COBL: variants seen among roughly 807,000 people sequenced by gnomAD.
COBL encodes protein cordon-bleu.
Under a neutral mutation model 98.8 loss-of-function variants are expected in COBL, and 51 were observed. That is an observed-to-expected ratio of 0.52 (90% CI 0.41 to 0.65). The LOEUF (loss-of-function observed/expected upper bound fraction) is 0.65, where lower values mean the gene tolerates loss of function less well. Ranked by LOEUF, COBL falls within the 30% of genes least tolerant of loss-of-function variation. COBL has a pLI of 0.00. For synonymous variants in COBL, 634 were observed against 651.7 expected, an observed-to-expected ratio of 0.97 and a Z score of 0.41; for missense variants, 1,617 against 1,617.5, an observed-to-expected ratio of 1.00 and a Z score of 0.01.
In COBL at chr7:51,025,157, G is replaced by A; in HGVS notation, c.3720C>T (p.Ala1240=). The A allele has an allele frequency of 6.2e-7, 1 of 1,611,878 alleles. No homozygotes were observed. Among genetic ancestry groups the A allele is most frequent in the Non-Finnish European group, 8.5e-7 (1 of 1,179,840 alleles). ...TGCCGGAGCGGATGGCGTCCATCAA[G>A]GCTTGCCTTGCGTCTGCGGTGTTGC... ...TLSNTADARQ[A]LMDAIRSGTG... The change falls in exon 12 of 13, where the codon GCC becomes GCT. Residue 1240 remains alanine (A), a synonymous_variant. Coordinates refer to ENST00000265136, the MANE Select transcript of COBL (RefSeq NM_015198.5).
intron 1 of COBL, among the ~76,000 whole-genome samples, chr7:51,263,373 T>C (rs953664337): frequency 6.6e-6 from 1 of 152,004 alleles, no homozygotes; most frequent in Non-Finnish European, 1.5e-5. Context: ...GGAAGATAAA[T>C]GGTCAGTGGG....
intron 2 of COBL, 41 bp downstream of exon 2, chr7:51,219,695 CTCGCA>C: frequency 1.9e-6 from 3 of 1,585,700 alleles, no homozygotes; most frequent in Non-Finnish European, 2.6e-6. Context: ...CCCCGCTATA[CTCGCA>C]AAGTGAGTAC....
chr7:51,132,206 C>G (rs1054755418), intron 6 of COBL, among the ~76,000 whole-genome samples: 1 of 152,238 alleles, frequency 6.6e-6, no homozygotes, highest in South Asian at 2.1e-4. Context: ...CCCAGCCCTC[C>G]CTGCTTTAGG....
At chr7:51,018,896 AAAAAAAAAAATATATATAT>A (rs1425879488) in intron 12 of COBL, among the ~76,000 whole-genome samples, 2 of 51,160 alleles carry the variant, frequency 3.9e-5, no homozygotes, top group African/African-American at 1.6e-4. Flanking sequence ...CATCTCAAAA[AAAAAAAAAAATATATATAT>A]ATATATATAT....
At chr7:51,218,024 A>C (rs990141070) in intron 2 of COBL, among the ~76,000 whole-genome samples, 2 of 152,188 alleles carry the variant, frequency 1.3e-5, no homozygotes, top group African/African-American at 4.8e-5. Flanking sequence ...GATCACAGCC[A>C]CAGGGCCCCC....
At chr7:51,208,073 T>C (rs1393325941) in intron 2 of COBL, among the ~76,000 whole-genome samples, 2 of 145,788 alleles carry the variant, frequency 1.4e-5, no homozygotes, top group Non-Finnish European at 3.0e-5. Context: ...GGAGCGCCTC[T>C]GCCCCGCCGC....
At chr7:51,236,607 G>C (rs1226898260) in intron 1 of COBL, among the ~76,000 whole-genome samples, 2 of 152,096 alleles carry the variant, frequency 1.3e-5, no homozygotes, top group Non-Finnish European at 2.9e-5. Context: ...TGAAATTTAG[G>C]GTAGTGCCTT....
intron 5 of COBL, among the ~76,000 whole-genome samples, chr7:51,176,736 T>C (rs568994474): frequency 1.3e-4 from 20 of 152,348 alleles, no homozygotes; most frequent in African/African-American, 4.8e-4. Context: ...AAATGTCCTT[T>C]TGAACTAGTG....
At chr7:51,190,605 T>G (rs181588009) in intron 4 of COBL, among the ~76,000 whole-genome samples, 1 of 152,196 alleles carries the variant, frequency 6.6e-6, no homozygotes, top group Admixed American at 6.5e-5. Flanking sequence ...GTCGTGGAAG[T>G]TTGCAGGGAG....
intron 1 of COBL, among the ~76,000 whole-genome samples, chr7:51,236,136 C>T (rs1236113985): frequency 6.6e-6 from 1 of 152,180 alleles, no homozygotes; most frequent in Admixed American, 6.5e-5. Context: ...AAGCCTCTGA[C>T]GGCAACCTAG....
intron 4 of COBL, among the ~76,000 whole-genome samples, chr7:51,188,957 C>T (rs906495136): frequency 6.6e-6 from 1 of 152,142 alleles, no homozygotes; most frequent in Non-Finnish European, 1.5e-5. Flanking sequence ...GATACCTGAA[C>T]GTGAAACAGT....
chr7:51,121,647 A>C (rs559277888), intron 6 of COBL, among the ~76,000 whole-genome samples: 65 of 152,338 alleles, frequency 4.3e-4, no homozygotes, highest in African/African-American at 1.5e-3. Flanking sequence ...GATGGTGCCT[A>C]GGAGGCTCTG....
At chr7:51,251,541 C>A (rs1796725537) in intron 1 of COBL, among the ~76,000 whole-genome samples, 1 of 152,222 alleles carries the variant, frequency 6.6e-6, no homozygotes, top group South Asian at 2.1e-4. Flanking sequence ...GAATTTATTT[C>A]TAGCACTAGT....
chr7:51,254,584 T>A (rs1039422752), intron 1 of COBL, among the ~76,000 whole-genome samples: 5 of 152,170 alleles, frequency 3.3e-5, no homozygotes, highest in African/African-American at 1.2e-4. Context: ...CATTTTTCCA[T>A]CCTCTTTGAG....
At chr7:51,140,552 C>T (rs998981832) in intron 5 of COBL, among the ~76,000 whole-genome samples, 19 of 152,022 alleles carry the variant, frequency 1.2e-4, no homozygotes, top group African/African-American at 3.4e-4. Flanking sequence ...TGTGTGTGTG[C>T]GTATATATAT....
intron 1 of COBL, among the ~76,000 whole-genome samples, chr7:51,315,535 G>A (rs530826680): frequency 6.6e-6 from 1 of 152,298 alleles, no homozygotes; most frequent in Non-Finnish European, 1.5e-5. Context: ...ATAGCAGAAA[G>A]TGGGCCCATT....
intron 8 of COBL, chr7:51,035,342 C>T (rs1788532842): frequency 6.7e-6 from 1 of 148,730 alleles, no homozygotes; most frequent in African/African-American, 2.5e-5. Flanking sequence ...TTTGATGAGG[C>T]TAGTACAGTG....
intron 6 of COBL, among the ~76,000 whole-genome samples, chr7:51,120,005 G>C (rs1797609268): frequency 6.6e-6 from 1 of 152,120 alleles, no homozygotes; most frequent in Non-Finnish European, 1.5e-5. Context: ...CAAGATGTCT[G>C]TTCTTAATTG....
Position 51,200,901 on chromosome 7 carries a change from A to G in COBL, c.246-7312T>C, listed in dbSNP as rs116707123. ...AGACTCATTTTAGATTTAAGGACACATAGAGGTTGAAAATAAAGAATGAAG... is the reference window on the plus strand; with the variant it reads ...AGACTCATTTTAGATTTAAGGACACGTAGAGGTTGAAAATAAAGAATGAAG... On this transcript the variant is annotated intron_variant, in intron 2 of 12. Coordinates refer to ENST00000265136, the MANE Select transcript of COBL (RefSeq NM_015198.5). 3.3e-3 allele frequency among the ~76,000 whole-genome samples: 507 copies of G among 152,262 alleles called. 4 individuals are homozygous for G. The highest frequency in any genetic ancestry group is 0.012 in the African/African-American group (486 of 41,566).
Sources: allele counts gnomAD v4.1 joint callset (sites outside exome capture counted in the v4.1 genomes callset), GRCh38; gene constraint gnomAD v4.1.1; transcripts MANE v1.5; gene names NCBI Gene and HGNC (gene_info 2026-07-23, HGNC 2026-07-21).